UMODL1: variants seen among roughly 807,000 people sequenced by gnomAD.
UMODL1 encodes the protein uromodulin like 1.
Under a neutral mutation model 136.3 loss-of-function variants are expected in UMODL1, and 128 were observed. That is an observed-to-expected ratio of 0.94 (90% CI 0.81 to 1.09). The LOEUF (loss-of-function observed/expected upper bound fraction) is 1.09, where lower values mean the gene tolerates loss of function less well. Ranked by LOEUF, UMODL1 falls within the 50% of genes least tolerant of loss-of-function variation. The pLI is 0.00. For synonymous variants in UMODL1, 721 were observed against 720.0 expected, an observed-to-expected ratio of 1.00 and a Z score of -0.02; for missense variants, 1,766 against 1,725.6, an observed-to-expected ratio of 1.02 and a Z score of -0.41.
At chr21:42,113,461 C>T (rs2066862812) in intron 12 of UMODL1, 112 bp from the exon 13 acceptor site, 1 of 1,370,138 alleles carries the variant, frequency 7.3e-7, no homozygotes, top group African/African-American at 1.5e-5. Flanking sequence ...CCATCACCTG[C>T]AAATCGCTCA....
intron 21 of UMODL1, among the ~76,000 whole-genome samples, chr21:42,133,887 T>TG (rs1569180180): frequency 5.8e-5 from 8 of 137,174 alleles, no homozygotes; most frequent in Non-Finnish European, 1.3e-4. Context: ...AATATATCTG[T>TG]TTTTTGTTTT....
intron 2 of UMODL1, 128 bp from the exon 3 acceptor site, chr21:42,083,956 G>A: frequency 8.7e-7 from 1 of 1,151,970 alleles, no homozygotes; most frequent in South Asian, 1.5e-5. Flanking sequence ...GCATGGGGAT[G>A]GGCCCCGAAC....
At chr21:42,108,659 C>G (rs1042473416) in intron 9 of UMODL1, 1 of 322,224 alleles carries the variant, frequency 3.1e-6, no homozygotes, top group Non-Finnish European at 6.2e-6. Flanking sequence ...AAGGCACTGT[C>G]ACCTCCAGCA....
At chr21:42,091,617 G>C (rs1243260293) in intron 6 of UMODL1, among the ~76,000 whole-genome samples, 1 of 152,256 alleles carries the variant, frequency 6.6e-6, no homozygotes, top group African/African-American at 2.4e-5. Context: ...GATTAATTCA[G>C]TGAAGAAGAG....
chr21:42,090,452 T>C lies in UMODL1; in HGVS notation c.931+14T>C. 6.2e-7 allele frequency: 1 copy of C among 1,613,040 alleles called. No homozygotes were observed. The highest frequency in any genetic ancestry group is 8.5e-7 in the Non-Finnish European group (1 of 1,179,650). The stretch of plus-strand genomic sequence containing the variant: ...TGGAGTGGGAAGGTAATGGCTAGGC[T>C]CTCTCAGATGGCATGGGAATGGCTT... On this transcript the variant is annotated intron_variant, in intron 6 of 22. Coordinates refer to ENST00000408910, the MANE Select transcript of UMODL1 (RefSeq NM_001004416.3).
At chr21:42,080,897 C>T (rs1323724944) in intron 2 of UMODL1, among the ~76,000 whole-genome samples, 2 of 152,258 alleles carry the variant, frequency 1.3e-5, no homozygotes, top group African/African-American at 4.8e-5. Context: ...CTCATACGCA[C>T]ATCAGCATTC....
chr21:42,112,052 C>A (rs776689561), intron 12 of UMODL1, among the ~76,000 whole-genome samples: 1 of 152,012 alleles, frequency 6.6e-6, no homozygotes, highest in East Asian at 1.9e-4. Flanking sequence ...TGCCCACCCC[C>A]GCTGTCCTGC....
intron 21 of UMODL1, among the ~76,000 whole-genome samples, chr21:42,132,168 A>G (rs975374175): frequency 1.3e-5 from 2 of 151,734 alleles, no homozygotes; most frequent in Non-Finnish European, 2.9e-5. Flanking sequence ...CTACCCATTC[A>G]TTCATCTATC....
chr21:42,087,787 G>C (rs920906896), intron 4 of UMODL1, among the ~76,000 whole-genome samples: 1 of 152,144 alleles, frequency 6.6e-6, no homozygotes, highest in African/African-American at 2.4e-5. Flanking sequence ...CAGTTCTGGG[G>C]GCTGAAGAGT....
At chr21:42,095,460 TTGTG>T (rs374448014) in intron 6 of UMODL1, among the ~76,000 whole-genome samples, 2 of 146,832 alleles carry the variant, frequency 1.4e-5, no homozygotes, top group East Asian at 4.1e-4. Context: ...GCCTTCTCCT[TTGTG>T]TGTGTGTGTG....
chr21:42,068,944 C>T (rs1442225178), upstream of UMODL1, among the ~76,000 whole-genome samples: 1 of 152,208 alleles, frequency 6.6e-6, no homozygotes, highest in Non-Finnish European at 1.5e-5. The surrounding 1 kb of genome is among the most constrained non-coding windows in gnomAD (Gnocchi z 5.5). Flanking sequence ...ATTGTCTCTC[C>T]AGCCCTTGGA....
intron 20 of UMODL1, 28 bp from the exon 21 acceptor site, chr21:42,129,685 G>A (rs753032500): frequency 2.2e-5 from 34 of 1,551,772 alleles, no homozygotes; most frequent in Middle Eastern, 1.7e-4. Context: ...TTAATTTGAC[G>A]TTTCTCTTCT....
Position 42,122,772 on chromosome 21 carries a change from C to T in UMODL1, c.2828-59C>T, listed in dbSNP as rs999094036. 24 of 1,518,216 alleles carry T rather than the reference C, an allele frequency of 1.6e-5. No homozygotes were observed. The highest frequency in any genetic ancestry group is 2.3e-5 in the East Asian group (1 of 43,554). The allele number at this position is 1,518,216 out of a possible 1,614,324, so 94.0% of individuals were successfully genotyped here. A position where few individuals can be genotyped will look rare whatever the true frequency, so the allele number is the denominator to read the frequency against. ...TCCAGTCTGCTCCTTACCCCTGCCC[C>T]TCCATGCCAACCCCAAACACAGAGC... On this transcript the variant is annotated intron_variant, in intron 16 of 22. Transcript: ENST00000408910. The surrounding 1 kb of genome is among the most constrained non-coding windows in gnomAD (Gnocchi z 4.3).
rs534350416 is a variant in UMODL1, at chr21:42,133,551, G to A, written c.3775+3754G>A. Reference sequence around the variant, plus strand: ...CAAAGTCCCACAGCCTGGGTGGCTTGAACAACAGAAATCTGTTCTCTCTCA... The same window carrying A: ...CAAAGTCCCACAGCCTGGGTGGCTTAAACAACAGAAATCTGTTCTCTCTCA... On this transcript the variant is annotated intron_variant, in intron 21 of 22. Coordinates refer to ENST00000408910, the MANE Select transcript of UMODL1 (RefSeq NM_001004416.3). Among the ~76,000 whole-genome samples, 4 of 152,330 alleles carry A rather than the reference G, an allele frequency of 2.6e-5. No individual in the cohort carries two copies. In the South Asian group the frequency reaches 8.3e-4, roughly 32 times the overall value.
chr21:42,121,463 G>T (rs2066971661), intron 16 of UMODL1, among the ~76,000 whole-genome samples: 1 of 152,134 alleles, frequency 6.6e-6, no homozygotes. Context: ...TCTGGGCAGT[G>T]CCTTATCTCT....
At position 42,090,370 on chromosome 21, in the gene UMODL1, C is replaced by T. The variant is rs535103444; in HGVS notation, c.863C>T (p.Ser288Leu). The T allele has an allele frequency of 9.3e-6, 15 of 1,614,024 alleles. No individual in the cohort carries two copies. The highest frequency in any genetic ancestry group is 1.6e-4 in the Middle Eastern group (1 of 6,062). Residue 288 changes from serine to leucine, a missense_variant, in exon 6 of 23, where the codon TCG (serine) becomes TTG (leucine). Ser to Leu is a moderately radical substitution (Grantham distance 145). Transcript: ENST00000408910. ...GAACTGTGCGCAAACCTGGAGGGCT[C>T]GTACTGGTGCGTCTGTCACCAGGAA... ...GRELCANLEGSYWCVCHQEAP... is the reference protein window; with the variant it reads ...GRELCANLEGLYWCVCHQEAP...
At chr21:42,108,274 G>A (rs752387926) in intron 9 of UMODL1, 8 of 501,680 alleles carry the variant, frequency 1.6e-5, no homozygotes, top group South Asian at 4.5e-5. Flanking sequence ...ACCCCAACCC[G>A]GAGCACCCCC....
chr21:42,064,859 A>G (rs2066170888), intron 1 of UMODL1, among the ~76,000 whole-genome samples: 1 of 152,118 alleles, frequency 6.6e-6, no homozygotes. Context: ...CCCGGCCCAC[A>G]AATTTCTTTC....
At position 42,065,189 on chromosome 21, in the gene UMODL1, T is replaced by G. The variant is rs1337752027; in HGVS notation, c.-141+1975T>G. On this transcript the variant is annotated intron_variant, in intron 1 of 22. Coordinates refer to the UMODL1 transcript ENST00000400424. ...GTGCTGGGGCAGCTGCCTGTTGCGA[T>G]GAGGGCTGGCGGGGAACGATCCCCT... Among the ~76,000 whole-genome samples, 5 of 152,238 alleles carry G rather than the reference T, an allele frequency of 3.3e-5. No homozygotes were observed. The East Asian group carries it at 9.6e-4, about 29-fold the overall frequency.
Sources: allele counts gnomAD v4.1 joint callset (sites outside exome capture counted in the v4.1 genomes callset), GRCh38; gene constraint gnomAD v4.1.1; non-coding constraint Gnocchi (gnomAD v3.1); transcripts MANE v1.5; gene names NCBI Gene and HGNC (gene_info 2026-07-23, HGNC 2026-07-21).